Variants in ACY1 observed in about 807,000 individuals in gnomAD.
The protein encoded by ACY1 is aminoacylase-1.
A neutral mutation model predicts 53.3 loss-of-function variants in ACY1; 38 were observed. That is an observed-to-expected ratio of 0.71 (90% CI 0.55 to 0.93). The LOEUF (loss-of-function observed/expected upper bound fraction) is 0.93, where lower values mean the gene tolerates loss of function less well. ACY1 is among the 40% of genes least tolerant of loss of function. The probability of loss-of-function intolerance (pLI) is 0.00; values close to 1 mark genes in which losing one functional copy is unlikely to be tolerated. For missense variants in ACY1, 484 were observed against 540.9 expected (o/e 0.89, Z 1.04); for synonymous variants, 177 against 202.1 (o/e 0.88, Z 1.05).
intron 2 of ACY1, 42 bp downstream of exon 2, chr3:51,984,200 G>A: frequency 6.3e-7 from 1 of 1,584,066 alleles, no homozygotes; most frequent in Non-Finnish European, 8.7e-7. Context: ...GGGGCCTAAG[G>A]GACGGGGACT....
At position 51,983,544 on chromosome 3, in the gene ACY1, G is replaced by A. The variant is rs540753962; in HGVS notation, c.-64G>A. The A allele has an allele frequency of 1.0e-5, 2 of 195,322 alleles. No individual in the cohort carries two copies. The highest frequency in any genetic ancestry group is 1.1e-4 in the Admixed American group (2 of 18,644). 12.1% of individuals were successfully genotyped at this position (195,322 alleles called of 1,614,324 possible). ...ACCCTAAGTCCAGGCCACAGTCAGG[G>A]AAGGGCGCTGAGAGGCGAGCGTGAG... On this transcript the variant is annotated 5_prime_UTR_variant, in exon 1 of 15. Transcript: ENST00000636358.
chr3:51,983,766 GC>G (rs771715455), intron 1 of ACY1, among the ~76,000 whole-genome samples, 177 bp downstream of exon 1: 9 of 151,822 alleles, frequency 5.9e-5, no homozygotes, highest in Non-Finnish European at 8.8e-5. Context: ...TACTCTATGA[GC>G]TGTCCTTGAA....
At position 51,985,196 on chromosome 3, in the gene ACY1, TG is replaced by T; in HGVS notation, c.95-10del. The T allele has an allele frequency of 6.2e-7, 1 of 1,600,406 alleles. No homozygotes were observed. Among genetic ancestry groups the T allele is most frequent in the Non-Finnish European group, 8.5e-7 (1 of 1,174,328 alleles). ...AGGCAGAAGCAGCCCCAAGACACTC[TG>T]TGCCTCCAGGAGCTGCTGTGGCTTT... On this transcript the variant is annotated splice_polypyrimidine_tract_variant and intron_variant, in intron 2 of 14. Coordinates refer to ENST00000636358, the MANE Select transcript of ACY1 (RefSeq NM_000666.3).
At chr3:51,985,821 T>G (rs1386915944) in intron 4 of ACY1, 31 bp from the exon 5 acceptor site, 2 of 1,594,340 alleles carry the variant, frequency 1.3e-6, no homozygotes, top group South Asian at 1.1e-5. Context: ...AAATTTGGGG[T>G]TTGGGCCCCT....
At chr3:51,988,363 G>A in intron 12 of ACY1, 161 bp from the exon 13 acceptor site, 2 of 712,012 alleles carry the variant, frequency 2.8e-6, no homozygotes, top group South Asian at 3.0e-5. Flanking sequence ...CATTTGAGGG[G>A]CTGAAAGAGG....
In ACY1 at chr3:51,989,062, CCA is replaced by C; in HGVS notation, c.1215_1216del (p.Ser406Ter). 6.2e-7 allele frequency: 1 copy of C among 1,613,820 alleles called. No individual in the cohort carries two copies. The highest frequency in any genetic ancestry group is 8.5e-7 in the Non-Finnish European group (1 of 1,180,032). On this transcript the variant is annotated frameshift_variant, in exon 15 of 15. Coordinates refer to ENST00000636358, the MANE Select transcript of ACY1 (RefSeq NM_000666.3). LOFTEE classifies it high-confidence loss of function. ...GCCCTTGCCAGTGTGCCTGCCCTGC[CCA>C]GTGACAGCTGAGCCCTGGAACTCCT...
At chr3:51,984,839 AG>A (rs1443009793) in intron 2 of ACY1, 9 of 282,938 alleles carry the variant, frequency 3.2e-5, no homozygotes, top group Non-Finnish European at 4.1e-5. Flanking sequence ...AAAAAGGAAA[AG>A]AAAAAAAAAA....
intron 2 of ACY1, 94 bp downstream of exon 2, chr3:51,984,252 C>T (rs751017907): frequency 1.7e-6 from 2 of 1,191,048 alleles, no homozygotes; most frequent in Non-Finnish European, 2.4e-6. Context: ...CCAGCTGAGC[C>T]CCACTCTGCT....
rs774865422 is a variant in ACY1, at chr3:51,985,502, T to C, written c.264+37T>C. 22 of 1,599,658 alleles carry C rather than the reference T, an allele frequency of 1.4e-5. No individual in the cohort carries two copies. In the African/African-American group the frequency reaches 2.7e-4, roughly 19 times the overall value. On this transcript the variant is annotated intron_variant, in intron 4 of 14. Coordinates refer to ENST00000636358, the MANE Select transcript of ACY1 (RefSeq NM_000666.3). ...GCTGGGGAGGTGGGCAGTGCAGGCCTTGGGGACAGACATGATGCAGACCCC... is the reference window on the plus strand; with the variant it reads ...GCTGGGGAGGTGGGCAGTGCAGGCCCTGGGGACAGACATGATGCAGACCCC...
rs932006627 is a variant in ACY1, at chr3:51,989,040, C to G, written c.1192C>G (p.Leu398Val). ...VDIYTRLLPALASVPALPSDS is the reference protein window; with the variant it reads ...VDIYTRLLPAVASVPALPSDS ...CATATATACACGCCTGCTGCCTGCC[C>G]TTGCCAGTGTGCCTGCCCTGCCCAG... The change falls in exon 15 of 15, where the codon CTT becomes GTT. Residue 398 changes from leucine (L) to valine (V), a missense_variant. Transcript: ENST00000636358. 6.2e-7 allele frequency: 1 copy of G among 1,613,926 alleles called. No homozygotes were observed.
intron 4 of ACY1, among the ~76,000 whole-genome samples, 170 bp downstream of exon 4, chr3:51,985,635 C>A (rs1701029215): frequency 6.6e-6 from 1 of 151,364 alleles, no homozygotes. Context: ...GCAGCAAGTT[C>A]TGGGCCAGAG....
intron 5 of ACY1, 48 bp from the exon 6 acceptor site, chr3:51,986,207 G>A (rs754034031): frequency 6.3e-7 from 1 of 1,596,502 alleles, no homozygotes; most frequent in East Asian, 2.2e-5. Context: ...TGTGGGGCCA[G>A]CCTGCGCATC....
At chr3:51,985,551 T>C in intron 4 of ACY1, 86 bp downstream of exon 4, 1 of 1,342,914 alleles carries the variant, frequency 7.4e-7, no homozygotes. Context: ...AAGTTGCTCA[T>C]GGTCCTGGCC....
At chr3:51,988,162 A>C (rs1378636315) in intron 12 of ACY1, 1 of 386,700 alleles carries the variant, frequency 2.6e-6, no homozygotes, top group Non-Finnish European at 4.9e-6. Context: ...CACTGCGCCC[A>C]GCCGTACTTT....
intron 2 of ACY1, chr3:51,984,639 ACT>A (rs932520818): frequency 2.5e-5 from 7 of 276,350 alleles, no homozygotes; most frequent in South Asian, 7.6e-5. Flanking sequence ...ACATGGCAAG[ACT>A]CTGTCTCTAC....
At chr3:51,985,167 G>T in intron 2 of ACY1, 40 bp from the exon 3 acceptor site, 1 of 1,580,686 alleles carries the variant, frequency 6.3e-7, no homozygotes, top group South Asian at 1.2e-5. Flanking sequence ...GGGAAGCTGT[G>T]GGTAGGCAGA....
Position 51,988,995 on chromosome 3 carries a change from G to T in ACY1, c.1147G>T (p.Val383Leu), listed in dbSNP as rs759441458. Residue 383 changes from valine to leucine, a missense_variant, in exon 15 of 15, where the codon GTG (valine) becomes TTG (leucine). Physicochemically the swap from Val to Leu is conservative, Grantham distance 32. Coordinates refer to ENST00000636358, the MANE Select transcript of ACY1 (RefSeq NM_000666.3). ...CCACGATGAACGGCTGCATGAGGCT[G>T]TGTTCCTCCGTGGGGTGGACATATA... ...HDHDERLHEA[V>L]FLRGVDIYTR... is the part of the protein sequence containing the mutation. The T allele has an allele frequency of 1.9e-6, 3 of 1,614,182 alleles. No individual in the cohort carries two copies. Among genetic ancestry groups the T allele is most frequent in the Non-Finnish European group, 2.5e-6 (3 of 1,180,034 alleles).
Position 51,987,540 on chromosome 3 carries a change from G to T in ACY1, c.853-16G>T, listed in dbSNP as rs764452114. 3 of 1,613,942 alleles carry T rather than the reference G, an allele frequency of 1.9e-6. No homozygotes were observed. The highest frequency in any genetic ancestry group is 3.3e-5 in the Admixed American group (2 of 60,002). The stretch of plus-strand genomic sequence containing the variant: ...TCTGGAAAGCCTGAAGGATCAGCTC[G>T]TCTCCCTTCTCTTAGGCTTTTGAGG... On this transcript the variant is annotated splice_polypyrimidine_tract_variant and intron_variant, in intron 11 of 14. Coordinates refer to ENST00000636358, the MANE Select transcript of ACY1 (RefSeq NM_000666.3).
chr3:51,986,152 C>A, intron 5 of ACY1, 103 bp from the exon 6 acceptor site: 1 of 1,255,106 alleles, frequency 8.0e-7, no homozygotes, highest in South Asian at 1.3e-5. Context: ...CAGGGTGTGG[C>A]AGGGTAAAGT....
Sources: allele counts gnomAD v4.1 joint callset (sites outside exome capture counted in the v4.1 genomes callset), GRCh38; gene constraint gnomAD v4.1.1; transcripts MANE v1.5; gene names NCBI Gene and HGNC (gene_info 2026-07-23, HGNC 2026-07-21).